UBXN11: variants seen among roughly 807,000 people sequenced by gnomAD.
UBXN11 encodes UBX domain protein 11.
UBXN11 carries 47 observed loss-of-function variants against 62.8 expected under a neutral mutation model. The ratio of observed to expected loss-of-function variants is 0.75; its 90% CI spans 0.59 to 0.95. The LOEUF (loss-of-function observed/expected upper bound fraction) is 0.95. Among genes scored for constraint, UBXN11 ranks in the 40% least tolerant of loss-of-function variants. The probability of loss-of-function intolerance (pLI) is 0.00; values close to 1 mark genes in which losing one functional copy is unlikely to be tolerated. For missense variants in UBXN11, 638 were observed against 661.7 expected, an observed-to-expected ratio of 0.96 and a Z score of 0.39; for synonymous variants, 294 against 267.0, an observed-to-expected ratio of 1.10 and a Z score of -0.99.
rs1292486394 is a variant in UBXN11 at position 26,282,395 on chromosome 1, G to A, written c.1467C>T (p.Pro489=). ...CGGGACCGGGACTGGGGCCGGGACC[G>A]GGACCGGGACAGGGACCAGGACTGA... ...LKFSPGPCPG[P]GPGPSPGPGP... is the part of the protein sequence containing the mutation. Residue 489 remains proline, a synonymous_variant, in exon 15 of 15, where the codon CCC becomes CCT. Transcript: ENST00000374222. The A allele has an allele frequency of 1.2e-5, 9 of 753,568 alleles. No individual in the cohort carries two copies. Among genetic ancestry groups the A allele is most frequent in the East Asian group, 4.7e-5 (1 of 21,202 alleles). The allele number at this position is 753,568 out of a possible 1,614,324, so 46.7% of individuals were successfully genotyped here.
At chr1:26,297,087 G>A in intron 6 of UBXN11, 92 bp from the exon 7 acceptor site, 2 of 1,438,528 alleles carry the variant, frequency 1.4e-6, no homozygotes, top group Non-Finnish European at 1.9e-6. Flanking sequence ...AAGCTGTTCT[G>A]GGGATCCCCC....
intron 9 of UBXN11, 124 bp downstream of exon 9, chr1:26,285,699 C>T (rs962470166): frequency 3.8e-5 from 53 of 1,393,250 alleles, no homozygotes; most frequent in African/African-American, 1.2e-4. Context: ...CTCTGCAAGT[C>T]GTGTGTGGGC....
chr1:26,285,313 G>A (rs945492497), intron 10 of UBXN11, 151 bp downstream of exon 10: 25 of 1,464,982 alleles, frequency 1.7e-5, no homozygotes, highest in East Asian at 5.3e-5. Flanking sequence ...TTCCCAGCCC[G>A]GCTTCAGACT....
intron 1 of UBXN11, among the ~76,000 whole-genome samples, chr1:26,312,333 T>C (rs1387929975): frequency 6.6e-6 from 1 of 152,048 alleles, no homozygotes; most frequent in Non-Finnish European, 1.5e-5. Context: ...TTCACTGCAA[T>C]CTCCACCTCT....
At chr1:26,290,204 C>T (rs2073227210) in intron 8 of UBXN11, among the ~76,000 whole-genome samples, 1 of 152,228 alleles carries the variant, frequency 6.6e-6, no homozygotes, top group South Asian at 2.1e-4. Context: ...CACCCTTGCC[C>T]ATGTGCCAAG....
At chr1:26,306,055 G>C (rs1396102650) in intron 1 of UBXN11, among the ~76,000 whole-genome samples, 1 of 152,196 alleles carries the variant, frequency 6.6e-6, no homozygotes, top group East Asian at 1.9e-4. Flanking sequence ...GTCCGTTTGG[G>C]GGGACTCCTG....
intron 1 of UBXN11, among the ~76,000 whole-genome samples, chr1:26,313,972 G>A (rs974722086): frequency 4.0e-5 from 6 of 151,720 alleles, no homozygotes; most frequent in Admixed American, 3.3e-4. Context: ...AGTAGAGATG[G>A]GGTTTCACTT....
intron 8 of UBXN11, among the ~76,000 whole-genome samples, 172 bp from the exon 9 acceptor site, chr1:26,286,209 C>T (rs1341547306): frequency 6.6e-6 from 1 of 152,246 alleles, no homozygotes; most frequent in Non-Finnish European, 1.5e-5. Context: ...TTATTGAGCA[C>T]TTATTTTGTG....
rs376592061 is a variant in UBXN11 at position 26,286,421 on chromosome 1, G to A, written c.560-384C>T. Among the ~76,000 whole-genome samples, 173 of 152,346 alleles carry A rather than the reference G, an allele frequency of 1.1e-3. 1 individual carries two copies. Among genetic ancestry groups the A allele is most frequent in the African/African-American group, 4.0e-3 (168 of 41,594 alleles). The stretch of plus-strand genomic sequence containing the variant: ...ACTGGGTTGGCAGCTGAAAAGTACA[G>A]GGCAGAGCTCCCAGCTCTGGATCGA... On this transcript the variant is annotated intron_variant, in intron 8 of 14. Transcript: ENST00000374222.
chr1:26,301,650 A>C (rs776129734), intron 3 of UBXN11, 44 bp downstream of exon 3: 50 of 1,610,454 alleles, frequency 3.1e-5, no homozygotes, highest in Non-Finnish European at 4.2e-5. Flanking sequence ...AGGAGGTGCA[A>C]GCACATGAGA....
In UBXN11 at chr1:26,300,996, C is replaced by T. The variant is rs1173122420; in HGVS notation, c.129G>A (p.Gly43=). 1.2e-6 allele frequency: 2 copies of T among 1,614,218 alleles called. No individual in the cohort carries two copies. Among genetic ancestry groups the T allele is most frequent in the Middle Eastern group, 1.7e-4 (1 of 6,060 alleles). Residue 43 remains glycine, a synonymous_variant, in exon 4 of 15, where the codon GGG becomes GGA. Transcript: ENST00000374222. ...DEDEVDMLSD[G]CGSEEKISVP... Reference sequence around the variant, plus strand: ...CTGAGATCTTTTCTTCTGAGCCACACCCATCACTCAACATGTCCACCTCAT... The same window carrying T: ...CTGAGATCTTTTCTTCTGAGCCACATCCATCACTCAACATGTCCACCTCAT...
chr1:26,285,453 C>T lies in UBXN11; in HGVS notation c.852+11G>A. On this transcript the variant is annotated intron_variant, in intron 10 of 14. Coordinates refer to ENST00000374222, the MANE Select transcript of UBXN11 (RefSeq NM_001389556.1). The stretch of plus-strand genomic sequence containing the variant: ...ATCCCCAAAGGTGTGGTTTGAGGAG[C>T]AGCTTATCACCTTAAAGGGGACCCC... 1 of 1,610,894 alleles carries T rather than the reference C, an allele frequency of 6.2e-7. No homozygotes were observed.
Position 26,301,718 on chromosome 1 carries a change from G to A in UBXN11, c.76C>T (p.Arg26Ter), listed in dbSNP as rs1291203700. 11 of 1,613,984 alleles carry A rather than the reference G, an allele frequency of 6.8e-6. No homozygotes were observed. The highest frequency in any genetic ancestry group is 2.2e-5 in the South Asian group (2 of 91,036). ...LPSEPMNPGRRGIRIYGDEDE... is the reference protein window; with the variant it reads ...LPSEPMNPGR ...CCATCTCCATAGATGCGGATTCCTC[G>A]CCTCCTGGGAACCCAGGCAGGAAGA... Residue 26 changes from arginine (R) to a stop codon, truncating the protein, a stop_gained, in exon 3 of 15, where the codon CGA (arginine) becomes TGA (stop). Transcript: ENST00000374222. LOFTEE classifies it high-confidence loss of function.
upstream of UBXN11, among the ~76,000 whole-genome samples, chr1:26,308,426 TTCACTC>T (rs2073705351): frequency 6.6e-6 from 1 of 152,044 alleles, no homozygotes; most frequent in African/African-American, 2.4e-5. Context: ...CCTAGAAACT[TTCACTC>T]TGGTAAACAA....
intron 8 of UBXN11, among the ~76,000 whole-genome samples, chr1:26,292,885 A>G (rs948238184): frequency 6.6e-6 from 1 of 152,124 alleles, no homozygotes; most frequent in Non-Finnish European, 1.5e-5. Context: ...AAATGGCACA[A>G]AAATGGGAAG....
intron 8 of UBXN11, among the ~76,000 whole-genome samples, chr1:26,293,452 G>A (rs1352907010): frequency 1.3e-5 from 2 of 152,058 alleles, no homozygotes; most frequent in African/African-American, 2.4e-5. Flanking sequence ...GGTAGGCCAG[G>A]CGTGGTGGCT....
intron 1 of UBXN11, among the ~76,000 whole-genome samples, chr1:26,316,125 ATTTTTTT>A (rs57889417): frequency 1.2e-4 from 11 of 91,462 alleles, no homozygotes; most frequent in Admixed American, 2.8e-4. Context: ...TGCCCGGCTA[ATTTTTTT>A]TTTTTTTTTT....
intron 1 of UBXN11, among the ~76,000 whole-genome samples, chr1:26,304,219 C>G (rs535282468): frequency 6.6e-6 from 1 of 152,316 alleles, no homozygotes; most frequent in Admixed American, 6.5e-5. Context: ...CCTGCCCCTT[C>G]CTTGGAAGGA....
intron 8 of UBXN11, among the ~76,000 whole-genome samples, chr1:26,287,191 G>C (rs1217748827): frequency 6.6e-6 from 1 of 152,142 alleles, no homozygotes; most frequent in Non-Finnish European, 1.5e-5. Context: ...GGCTCTCAGG[G>C]AGGATGTAGG....
Sources: gnomAD v4.1 joint callset for allele counts (sites outside exome capture counted in the v4.1 genomes callset) on GRCh38, gnomAD v4.1.1 for gene constraint, MANE v1.5 for transcripts, NCBI Gene and HGNC (gene_info 2026-07-23, HGNC 2026-07-21) for gene names.